The following PARD3B variants were observed in gnomAD, a reference collection of about 807,000 sequenced individuals.
PARD3B encodes the protein par-3 family cell polarity regulator beta.
Under a neutral mutation model 130.2 loss-of-function variants are expected in PARD3B, and 103 were observed. The observed-to-expected ratio is 0.79, with a 90% CI of 0.67 to 0.93. PARD3B has a LOEUF of 0.93. PARD3B is among the 40% of genes least tolerant of loss of function. The probability of loss-of-function intolerance (pLI) is 0.00; values close to 1 mark genes in which losing one functional copy is unlikely to be tolerated. For missense variants in PARD3B, 1,609 were observed against 1,499.2 expected, an observed-to-expected ratio of 1.07 and a Z score of -1.21; for synonymous variants, 583 against 553.2, an observed-to-expected ratio of 1.05 and a Z score of -0.76.
chr2:204,654,910 A>G (rs768061207), intron 1 of PARD3B, among the ~76,000 whole-genome samples: 1 of 152,164 alleles, frequency 6.6e-6, no homozygotes, highest in Non-Finnish European at 1.5e-5. Context: ...CGAGCAGACT[A>G]TCCAGTACAT....
intron 1 of PARD3B, among the ~76,000 whole-genome samples, chr2:204,643,153 C>T (rs2035154136): frequency 1.3e-5 from 1 of 77,034 alleles, no homozygotes; most frequent in Admixed American, 1.6e-4. Flanking sequence ...GCACCTCCCA[C>T]TTTGCTGTCT....
intron 2 of PARD3B, among the ~76,000 whole-genome samples, chr2:204,933,588 C>G (rs1270003943): frequency 6.6e-6 from 1 of 152,164 alleles, no homozygotes; most frequent in Non-Finnish European, 1.5e-5. Context: ...ATGGTTGTGA[C>G]TGTAAAGCCC....
chr2:205,022,812 C>T (rs1434573515), intron 3 of PARD3B, among the ~76,000 whole-genome samples: 1 of 152,108 alleles, frequency 6.6e-6, no homozygotes, highest in Non-Finnish European at 1.5e-5. Flanking sequence ...CCCCTTACTC[C>T]ACAGGTCGAC....
At chr2:205,231,781 G>A (rs117702771) in intron 15 of PARD3B, among the ~76,000 whole-genome samples, 2 of 152,326 alleles carry the variant, frequency 1.3e-5, no homozygotes, top group East Asian at 3.9e-4. Flanking sequence ...AGTGTACAGA[G>A]AAACATACCA....
chr2:205,382,897 T>A (rs1034885955), intron 18 of PARD3B, among the ~76,000 whole-genome samples: 3 of 151,958 alleles, frequency 2.0e-5, no homozygotes, highest in Non-Finnish European at 2.9e-5. Flanking sequence ...AGTTTCTTAT[T>A]TTTTGGCACC....
chr2:205,254,190 T>G (rs1019431711), intron 16 of PARD3B, among the ~76,000 whole-genome samples: 2 of 151,756 alleles, frequency 1.3e-5, no homozygotes, highest in Admixed American at 6.6e-5. Context: ...TTAAACATCT[T>G]TGGAAAATCT....
chr2:205,189,840 C>T (rs1361684792), intron 14 of PARD3B, among the ~76,000 whole-genome samples: 1 of 151,306 alleles, frequency 6.6e-6, no homozygotes, highest in Non-Finnish European at 1.5e-5. Context: ...GCCTTATTTG[C>T]CTTATTTCCA....
intron 19 of PARD3B, among the ~76,000 whole-genome samples, chr2:205,431,842 A>G (rs2047349800): frequency 1.3e-5 from 2 of 152,190 alleles, no homozygotes; most frequent in Admixed American, 6.5e-5. Context: ...ATTAATGTTG[A>G]AGACAAACAC....
intron 2 of PARD3B, among the ~76,000 whole-genome samples, chr2:204,748,284 C>G (rs1175327197): frequency 6.6e-6 from 1 of 151,926 alleles, no homozygotes; most frequent in Non-Finnish European, 1.5e-5. Flanking sequence ...AAAAATTGTT[C>G]CATGTGGAAT....
chr2:205,163,505 T>G lies in PARD3B; in HGVS notation c.1620+4598T>G, dbSNP rs1419428866. Among the ~76,000 whole-genome samples, 4 of 152,342 alleles carry G rather than the reference T, an allele frequency of 2.6e-5. 1 individual carries two copies. Among genetic ancestry groups the G allele is most frequent in the African/African-American group, 9.6e-5 (4 of 41,584 alleles). On this transcript the variant is annotated intron_variant, in intron 11 of 22. Transcript: ENST00000406610. Reference sequence around the variant, plus strand: ...AATTTGGGATTCTCCTTCTGAAGGATGCAGGATTTCATAATCTGCACTGTT... The same window carrying G: ...AATTTGGGATTCTCCTTCTGAAGGAGGCAGGATTTCATAATCTGCACTGTT...
intron 2 of PARD3B, 71 bp downstream of exon 2, chr2:204,686,353 C>T: frequency 9.2e-7 from 1 of 1,089,236 alleles, no homozygotes; most frequent in Non-Finnish European, 1.4e-6. Flanking sequence ...GACTGAAATC[C>T]TTAACAAACT....
intron 1 of PARD3B, among the ~76,000 whole-genome samples, chr2:204,557,006 A>ATTTTT (rs374055935): frequency 4.2e-5 from 6 of 144,140 alleles, no homozygotes; most frequent in African/African-American, 1.5e-4. Context: ...GCTTTTCAGG[A>ATTTTT]TTTTTTTTTT....
intron 21 of PARD3B, among the ~76,000 whole-genome samples, chr2:205,535,430 G>C (rs2051805683): frequency 6.6e-6 from 1 of 152,140 alleles, no homozygotes; most frequent in Non-Finnish European, 1.5e-5. Flanking sequence ...ACAGCAGTTT[G>C]CAACTCTGTT....
At chr2:205,484,258 A>G (rs1214205980) in intron 20 of PARD3B, among the ~76,000 whole-genome samples, 1 of 152,182 alleles carries the variant, frequency 6.6e-6, no homozygotes, top group Non-Finnish European at 1.5e-5. Flanking sequence ...GAAAAGTTAC[A>G]TTCCTCTAGG....
intron 1 of PARD3B, among the ~76,000 whole-genome samples, chr2:204,563,664 T>C (rs1480124710): frequency 6.6e-6 from 1 of 152,246 alleles, no homozygotes; most frequent in African/African-American, 2.4e-5. Flanking sequence ...ACCTTCTCCA[T>C]GTAAACATTT....
chr2:205,105,559 T>G lies in PARD3B; in HGVS notation c.593+1045T>G, dbSNP rs1421081385. Among the ~76,000 whole-genome samples the G allele has an allele frequency of 6.6e-6, 1 of 152,172 alleles. No individual in the cohort carries two copies. The highest frequency in any genetic ancestry group is 2.4e-5 in the African/African-American group (1 of 41,432). ...TTTGTCATGTGCTTTACTGTATGGATTCTCCTCAAACTTATTTATAGCCAC... is the reference window on the plus strand; with the variant it reads ...TTTGTCATGTGCTTTACTGTATGGAGTCTCCTCAAACTTATTTATAGCCAC... On this transcript the variant is annotated intron_variant, in intron 5 of 22. Transcript: ENST00000406610. This position sits in a 1 kb window ranked among gnomAD's most constrained non-coding sequence, Gnocchi z 4.0.
chr2:204,822,194 G>A (rs936837108), intron 2 of PARD3B, among the ~76,000 whole-genome samples: 1 of 152,194 alleles, frequency 6.6e-6, no homozygotes, highest in African/African-American at 2.4e-5. Flanking sequence ...GACTTTGAGA[G>A]GTTCAAGACT....
chr2:204,838,381 G>T lies in PARD3B; in HGVS notation c.223-126771G>T, dbSNP rs573924784. On this transcript the variant is annotated intron_variant, in intron 2 of 22. Transcript: ENST00000406610. The stretch of plus-strand genomic sequence containing the variant: ...TGTGTGTGTGTGTGTGTGTGTGTGT[G>T]TGTGTGTGTCTTTAGTAGAGACGGG... Among the ~76,000 whole-genome samples the T allele has an allele frequency of 5.3e-5, 8 of 151,198 alleles. No individual in the cohort carries two copies. The South Asian group carries it at 1.7e-3, about 32-fold the overall frequency.
intron 2 of PARD3B, among the ~76,000 whole-genome samples, chr2:204,692,626 G>T (rs1292416426): frequency 6.6e-6 from 1 of 151,974 alleles, no homozygotes; most frequent in Non-Finnish European, 1.5e-5. Flanking sequence ...ATCAGGATAT[G>T]ATGTGTTTTT....
Sources: allele counts gnomAD v4.1 joint callset (sites outside exome capture counted in the v4.1 genomes callset), GRCh38; gene constraint gnomAD v4.1.1; non-coding constraint Gnocchi (gnomAD v3.1); transcripts MANE v1.5; gene names NCBI Gene and HGNC (gene_info 2026-07-23, HGNC 2026-07-21).